The following TNR variants were observed in gnomAD, a reference collection of about 807,000 sequenced individuals.
The protein encoded by TNR is tenascin-R.
A neutral mutation model predicts 150.4 loss-of-function variants in TNR; 45 were observed. That is an observed-to-expected ratio of 0.30 (90% CI 0.24 to 0.38). The LOEUF is 0.38. Ranked by LOEUF, TNR falls within the 10% of genes least tolerant of loss-of-function variation. The probability of loss-of-function intolerance (pLI) is 1.00; values close to 1 mark genes in which losing one functional copy is unlikely to be tolerated. For missense variants in TNR, 1,544 were observed against 1,759.1 expected (o/e 0.88, Z 2.19); for synonymous variants, 687 against 678.4 (o/e 1.01, Z -0.20).
At chr1:175,431,936 C>CCTTCTCTCTCTCTCTCTCTCT (rs1655289440) in intron 2 of TNR, among the ~76,000 whole-genome samples, 6 of 52,346 alleles carry the variant, frequency 1.1e-4, no homozygotes, top group African/African-American at 2.9e-4. Context: ...TCTCTCTCTC[C>CCTTCTCTCTCTCTCTCTCTCT]CTCTGTCTCT....
rs1648871996 is a variant in TNR, at chr1:175,317,251, T to C, written c.*6106A>G. 6.6e-6 allele frequency: 1 copy of C among 152,232 alleles called. No homozygotes were observed. The highest frequency in any genetic ancestry group is 1.5e-5 in the Non-Finnish European group (1 of 68,034). The allele number at this position is 152,232 out of a possible 1,614,324, so 9.4% of individuals were successfully genotyped here. ...GTGGAGAATCAAATTAAAAAGCCTA[T>C]ACCAGACCCGAACTCAGCTCTGTTA... On this transcript the variant is annotated 3_prime_UTR_variant, in exon 23 of 23. Transcript: ENST00000367674.
chr1:175,468,907 G>C (rs1657153766), intron 2 of TNR, among the ~76,000 whole-genome samples: 1 of 152,078 alleles, frequency 6.6e-6, no homozygotes. Flanking sequence ...GGGGAGGCTG[G>C]TACAGTAGTC....
chr1:175,335,839 C>T, intron 19 of TNR, 32 bp from the exon 20 acceptor site: 3 of 1,587,372 alleles, frequency 1.9e-6, no homozygotes, highest in Non-Finnish European at 2.6e-6. Flanking sequence ...AAAAAACAAA[C>T]AAACAAAAAA....
At chr1:175,652,855 T>C (rs1363287394) in intron 1 of TNR, among the ~76,000 whole-genome samples, 2 of 152,052 alleles carry the variant, frequency 1.3e-5, no homozygotes, top group Non-Finnish European at 2.9e-5. Context: ...GGAAACCCAA[T>C]AGAAAAGTGA....
chr1:175,369,087 T>G (rs987624775), intron 9 of TNR, among the ~76,000 whole-genome samples: 4 of 152,228 alleles, frequency 2.6e-5, no homozygotes, highest in African/African-American at 9.6e-5. Flanking sequence ...TGTGGGCTCA[T>G]GGCTGATTGG....
intron 2 of TNR, among the ~76,000 whole-genome samples, chr1:175,473,695 C>G (rs1657397847): frequency 6.6e-6 from 1 of 152,174 alleles, no homozygotes; most frequent in Non-Finnish European, 1.5e-5. Context: ...CATAGTGATG[C>G]TGGAGGGATA....
intron 1 of TNR, among the ~76,000 whole-genome samples, chr1:175,628,433 G>A (rs1203044032): frequency 2.0e-5 from 3 of 151,978 alleles, no homozygotes; most frequent in Non-Finnish European, 2.9e-5. Context: ...GTTAATGGGT[G>A]CAGCACACCA....
intron 1 of TNR, among the ~76,000 whole-genome samples, chr1:175,688,220 G>A (rs1282524096): frequency 6.6e-6 from 1 of 152,188 alleles, no homozygotes; most frequent in Non-Finnish European, 1.5e-5. Flanking sequence ...GGTACAGGGA[G>A]GAGCCCCAGT....
chr1:175,516,374 A>G (rs1382948840), intron 2 of TNR, among the ~76,000 whole-genome samples: 2 of 152,204 alleles, frequency 1.3e-5, no homozygotes, highest in African/African-American at 4.8e-5. Flanking sequence ...CAGCTAACAA[A>G]TGACAGCGTG....
intron 1 of TNR, among the ~76,000 whole-genome samples, chr1:175,665,274 T>C (rs923565443): frequency 1.3e-5 from 2 of 152,200 alleles, no homozygotes; most frequent in East Asian, 3.8e-4. Context: ...TGAGTCCTGG[T>C]ATACTAATTC....
chr1:175,676,339 T>C (rs1029990309), intron 1 of TNR, among the ~76,000 whole-genome samples: 1 of 152,132 alleles, frequency 6.6e-6, no homozygotes, highest in South Asian at 2.1e-4. Context: ...GCAAGAGGGC[T>C]CTTTCCCCAG....
intron 2 of TNR, among the ~76,000 whole-genome samples, chr1:175,449,588 C>T (rs1174172427): frequency 1.3e-5 from 2 of 152,072 alleles, no homozygotes; most frequent in Admixed American, 1.3e-4. Context: ...GCTGCCTGTC[C>T]CTGGAAAGGC....
intron 1 of TNR, among the ~76,000 whole-genome samples, chr1:175,602,470 ACAT>A (rs1013973593): frequency 6.6e-6 from 1 of 152,202 alleles, no homozygotes; most frequent in African/African-American, 2.4e-5. Context: ...GGTCTGACTA[ACAT>A]CAAGTTTATC....
chr1:175,366,205 T>A, intron 10 of TNR, 67 bp from the exon 11 acceptor site: 1 of 1,483,620 alleles, frequency 6.7e-7, no homozygotes, highest in Non-Finnish European at 9.0e-7. Context: ...ATTGGCCTGC[T>A]TTGTGTGTTT....
intron 18 of TNR, among the ~76,000 whole-genome samples, chr1:175,352,198 T>C (rs1300297708): frequency 1.3e-5 from 2 of 152,180 alleles, no homozygotes; most frequent in African/African-American, 2.4e-5. Flanking sequence ...CAGGTGGGTC[T>C]GGAGTGAGGC....
intron 1 of TNR, among the ~76,000 whole-genome samples, chr1:175,688,939 T>G (rs751066490): frequency 1.3e-4 from 20 of 152,374 alleles, no homozygotes; most frequent in Admixed American, 9.1e-4. Context: ...CATTATACAG[T>G]GACCTCTGCA....
At chr1:175,368,535 A>C (rs757491903) in intron 9 of TNR, among the ~76,000 whole-genome samples, 2 of 152,202 alleles carry the variant, frequency 1.3e-5, no homozygotes, top group Non-Finnish European at 2.9e-5. Flanking sequence ...CACACCTGCA[A>C]AGTCCTTTTT....
intron 2 of TNR, among the ~76,000 whole-genome samples, chr1:175,512,170 G>A: frequency 6.6e-6 from 1 of 152,170 alleles, no homozygotes; most frequent in East Asian, 1.9e-4. Context: ...ATGTAAAAGG[G>A]CCAGAACTAT....
chr1:175,454,716 C>T (rs569413979), intron 2 of TNR, among the ~76,000 whole-genome samples: 3 of 152,310 alleles, frequency 2.0e-5, no homozygotes, highest in East Asian at 3.9e-4. Flanking sequence ...AGGTGATCCA[C>T]CCGCCTCGGC....
Sources: allele counts gnomAD v4.1 joint callset (sites outside exome capture counted in the v4.1 genomes callset), GRCh38; gene constraint gnomAD v4.1.1; transcripts MANE v1.5; gene names NCBI Gene and HGNC (gene_info 2026-07-23, HGNC 2026-07-21).